ANKRD6: variants seen among roughly 807,000 people sequenced by gnomAD.
ANKRD6 encodes the protein ankyrin repeat domain-containing protein 6.
In ANKRD6, 56 loss-of-function variants were observed where a neutral mutation model predicts 82.3. That is an observed-to-expected ratio of 0.68 (90% CI 0.55 to 0.85). ANKRD6 has a LOEUF of 0.85. Among genes scored for constraint, ANKRD6 ranks in the 40% least tolerant of loss-of-function variants. The pLI, the probability that ANKRD6 is intolerant of heterozygous loss-of-function variation, is 0.00. For synonymous variants in ANKRD6, 347 were observed against 352.1 expected (o/e 0.99, Z 0.16); for missense variants, 852 against 907.6 (o/e 0.94, Z 0.79).
At chr6:89,522,905 G>A (rs531795283) in intron 1 of ANKRD6, among the ~76,000 whole-genome samples, 2 of 152,190 alleles carry the variant, frequency 1.3e-5, no homozygotes, top group South Asian at 2.1e-4. Context: ...CTAGTGTCCC[G>A]AAGCCCTACC....
At chr6:89,572,215 G>A (rs72911820) in intron 2 of ANKRD6, among the ~76,000 whole-genome samples, 21,304 of 152,204 alleles carry the variant, frequency 0.14, 1,759 homozygotes, top group South Asian at 0.33. Flanking sequence ...TGGTAATTAT[G>A]AGTAAAGCTG....
chr6:89,523,866 A>C (rs768070409), intron 1 of ANKRD6, among the ~76,000 whole-genome samples: 14 of 152,120 alleles, frequency 9.2e-5, no homozygotes, highest in Non-Finnish European at 2.1e-4. Flanking sequence ...CAGCATTTGT[A>C]ATCTAGTATC....
At chr6:89,551,936 G>A (rs943662438) in intron 1 of ANKRD6, among the ~76,000 whole-genome samples, 2 of 152,070 alleles carry the variant, frequency 1.3e-5, no homozygotes, top group Admixed American at 6.5e-5. Flanking sequence ...CTCTTCCTGC[G>A]GCCTTCACAT....
In ANKRD6 at chr6:89,442,105, C is replaced by T. The variant is rs146536613; in HGVS notation, c.-144+8730C>T. Among the ~76,000 whole-genome samples, 10 of 152,250 alleles carry T rather than the reference C, an allele frequency of 6.6e-5. No individual in the cohort carries two copies. In the East Asian group the frequency reaches 1.7e-3, roughly 27 times the overall value. ...CTGCCTCCCAGGTTCAAGCACTTCT[C>T]GTGCCTCAGTCTCCTAAGTAGCTGG... On this transcript the variant is annotated intron_variant, in intron 1 of 15. Transcript: ENST00000339746.
At chr6:89,507,303 T>G (rs560272711) in intron 1 of ANKRD6, among the ~76,000 whole-genome samples, 1 of 152,218 alleles carries the variant, frequency 6.6e-6, no homozygotes, top group Non-Finnish European at 1.5e-5. Flanking sequence ...GTATTTGATA[T>G]GAACAGCAAT....
chr6:89,597,692 A>G (rs142569618), intron 3 of ANKRD6, among the ~76,000 whole-genome samples: 2,785 of 152,324 alleles, frequency 0.018, 50 homozygotes, highest in Non-Finnish European at 0.023. Flanking sequence ...TTTTAGACAG[A>G]GAGAGTCCCT....
intron 1 of ANKRD6, among the ~76,000 whole-genome samples, chr6:89,556,340 C>CT (rs1786599256): frequency 6.6e-6 from 1 of 152,254 alleles, no homozygotes; most frequent in Non-Finnish European, 1.5e-5. Flanking sequence ...ATGGTTCTGT[C>CT]TTTCCTGGGA....
At chr6:89,561,796 G>T (rs1339904270) in intron 1 of ANKRD6, among the ~76,000 whole-genome samples, 1 of 152,090 alleles carries the variant, frequency 6.6e-6, no homozygotes, top group African/African-American at 2.4e-5. Context: ...TATTCTGCTG[G>T]CAATTTGTTT....
chr6:89,504,482 C>T (rs1019764459), intron 1 of ANKRD6, among the ~76,000 whole-genome samples: 1 of 152,038 alleles, frequency 6.6e-6, no homozygotes. Flanking sequence ...TAGCTTATTG[C>T]ACCCTTGAAC....
At chr6:89,548,934 C>T (rs569133396) in intron 1 of ANKRD6, among the ~76,000 whole-genome samples, 4 of 152,214 alleles carry the variant, frequency 2.6e-5, no homozygotes, top group East Asian at 1.9e-4. Context: ...TGGCTGGGCA[C>T]GGTGGCTCAC....
In ANKRD6 at chr6:89,454,724, C is replaced by T. The variant is rs73508312; in HGVS notation, c.-144+21349C>T. 9.2e-3 allele frequency among the ~76,000 whole-genome samples: 1,406 copies of T among 152,298 alleles called. 21 individuals are homozygous for T. Among genetic ancestry groups the T allele is most frequent in the African/African-American group, 0.032 (1,315 of 41,560 alleles). ...TGGAATCATGTAAAGTGAAGACTAC[C>T]TGCATGATTCTTTTATAGCAATCAT... On this transcript the variant is annotated intron_variant, in intron 1 of 15. Transcript: ENST00000339746.
At chr6:89,457,613 C>T (rs1043573286) in intron 1 of ANKRD6, among the ~76,000 whole-genome samples, 5 of 152,060 alleles carry the variant, frequency 3.3e-5, no homozygotes, top group African/African-American at 1.2e-4. Context: ...TTATCTTCAA[C>T]TTTATCATTT....
chr6:89,577,921 G>A (rs1791507687), intron 2 of ANKRD6, among the ~76,000 whole-genome samples: 1 of 152,228 alleles, frequency 6.6e-6, no homozygotes, highest in African/African-American at 2.4e-5. Flanking sequence ...GTTTGGTTAA[G>A]AAGAAAATTC....
intron 1 of ANKRD6, among the ~76,000 whole-genome samples, chr6:89,543,402 T>G (rs1393067549): frequency 6.6e-6 from 1 of 152,180 alleles, no homozygotes; most frequent in African/African-American, 2.4e-5. Flanking sequence ...GTGGACCTAC[T>G]AGACTCACTG....
chr6:89,631,110 C>CT lies in ANKRD6; in HGVS notation c.*111dup, dbSNP rs1196069635. 7.1e-7 allele frequency: 1 copy of CT among 1,402,574 alleles called. No individual in the cohort carries two copies. The highest frequency in any genetic ancestry group is 9.2e-7 in the Non-Finnish European group (1 of 1,082,838). The allele number at this position is 1,402,574 out of a possible 1,614,324, so 86.9% of individuals were successfully genotyped here. On this transcript the variant is annotated 3_prime_UTR_variant, in exon 16 of 16. Coordinates refer to ENST00000339746, the MANE Select transcript of ANKRD6 (RefSeq NM_001242809.2). ...ACTATTGTATATATTGCAGATTTGC[C>CT]TTTTTAAAAAAATCACTAATTCTAC...
Position 89,603,320 on chromosome 6 carries a change from ATTTTTTTT to A in ANKRD6, c.318+209_318+216del, listed in dbSNP as rs1229759944. 5.0e-3 allele frequency among the ~76,000 whole-genome samples: 572 copies of A among 114,712 alleles called. 3 individuals are homozygous for A. The highest frequency in any genetic ancestry group is 7.1e-3 in the Non-Finnish European group (406 of 57,334). The allele number at this position is 114,712 out of a possible 152,430, so 75.3% of individuals were successfully genotyped here. A position where few individuals can be genotyped will look rare whatever the true frequency, so the allele number is the denominator to read the frequency against. Reference sequence around the variant, plus strand: ...CTATCTGGTATCCCAGCCAATTGTAATTTTTTTTTTTTTTTTTTTTTTTGGAGAGAGGG... The same window carrying A: ...CTATCTGGTATCCCAGCCAATTGTAATTTTTTTTTTTTTTTGGAGAGAGGG... On this transcript the variant is annotated intron_variant, in intron 4 of 15. Coordinates refer to ENST00000339746, the MANE Select transcript of ANKRD6 (RefSeq NM_001242809.2).
intron 1 of ANKRD6, among the ~76,000 whole-genome samples, chr6:89,525,445 C>A (rs1782379233): frequency 6.6e-6 from 1 of 152,172 alleles, no homozygotes; most frequent in Non-Finnish European, 1.5e-5. Context: ...TGTTTTTGTG[C>A]ATTTTAAATA....
At chr6:89,573,717 C>A (rs1167295954) in intron 2 of ANKRD6, among the ~76,000 whole-genome samples, 1 of 152,202 alleles carries the variant, frequency 6.6e-6, no homozygotes, top group Admixed American at 6.5e-5. Flanking sequence ...GAAACCTAGG[C>A]AGAGAATTAT....
chr6:89,552,789 G>A (rs1786027097), intron 1 of ANKRD6, among the ~76,000 whole-genome samples: 1 of 152,042 alleles, frequency 6.6e-6, no homozygotes, highest in South Asian at 2.1e-4. Context: ...AGAATATTAA[G>A]GCCCAAGGAA....
Sources: gnomAD v4.1 joint callset for allele counts (sites outside exome capture counted in the v4.1 genomes callset) on GRCh38, gnomAD v4.1.1 for gene constraint, MANE v1.5 for transcripts, NCBI Gene and HGNC (gene_info 2026-07-23, HGNC 2026-07-21) for gene names.